Variants in ABR observed in about 807,000 individuals in gnomAD.
ABR encodes ABR activator of RhoGEF and GTPase.
ABR carries 35 observed loss-of-function variants against 107.2 expected under a neutral mutation model. The observed-to-expected ratio is 0.33, with a 90% confidence interval of 0.25 to 0.43. The LOEUF is 0.43. Among genes scored for constraint, ABR ranks in the 20% least tolerant of loss-of-function variants. The pLI is 1.00. For synonymous variants in ABR, 498 were observed against 462.0 expected (o/e 1.08, Z -1.00); for missense variants, 815 against 1,115.2 (o/e 0.73, Z 3.83).
At chr17:1,181,976 C>T (rs534924706), upstream of ABR, 2 of 152,348 alleles carry the variant, frequency 1.3e-5, no homozygotes, top group East Asian at 1.9e-4. Context: ...TCTACAAAGG[C>T]TTGAACAAGC....
Position 1,013,144 on chromosome 17 carries a change from C to G in ABR, c.1812G>C (p.Glu604Asp). 6.2e-7 allele frequency: 1 copy of G among 1,614,202 alleles called. No homozygotes were observed. Among genetic ancestry groups the G allele is most frequent in the Non-Finnish European group, 8.5e-7 (1 of 1,180,018 alleles). The change falls in exon 17 of 23, where the codon GAG (glutamate) becomes GAC (aspartate). Residue 604 changes from glutamate to aspartate, a missense_variant. Glu to Asp is a conservative substitution (Grantham distance 45). Around this residue, in one of 5 missense-constraint regions of ABR, gnomAD observed 92 missense variants for 82.3 expected, o/e 1.12. Coordinates refer to ENST00000302538, the MANE Select transcript of ABR (RefSeq NM_021962.5). ...TCACGTCCGTGTGCCAGTTCTTGGT[C>G]TCCACGGTTTGTGGGTCCAGCTGCA... The part of the protein sequence containing the change: ...GQIQLDPQTV[E>D]TKNWHTDVIE...
At chr17:1,049,558 G>A (rs73287542) in intron 16 of ABR, among the ~76,000 whole-genome samples, 8,170 of 152,080 alleles carry the variant, frequency 0.054, 738 homozygotes, top group African/African-American at 0.19. Flanking sequence ...AGTAAGGTCC[G>A]GCCACCCTAA....
upstream of ABR, chr17:1,180,022 G>A (rs1339447544): frequency 4.3e-6 from 1 of 232,180 alleles, no homozygotes; most frequent in Non-Finnish European, 8.0e-6. Flanking sequence ...CTTCGTGGTG[G>A]GGCGGGGCTT....
At chr17:1,012,633 TG>T (rs1187963299) in intron 18 of ABR, 54 bp downstream of exon 18, 50 of 1,356,572 alleles carry the variant, frequency 3.7e-5, no homozygotes, top group Admixed American at 8.0e-5. Flanking sequence ...GGGCCCGGGC[TG>T]GGGGGGACCC....
In ABR at chr17:1,068,343, T is replaced by A. The variant is rs560459790; in HGVS notation, c.1017-1101A>T. Among the ~76,000 whole-genome samples the A allele has an allele frequency of 1.2e-4, 19 of 152,324 alleles. No homozygotes were observed. The South Asian group carries it at 3.9e-3, about 32-fold the overall frequency. On this transcript the variant is annotated intron_variant, in intron 9 of 22. Transcript: ENST00000302538. ...AGGTGGGCGTGGGGCTTGCTCCCCC[T>A]GAGCTATACTTGGGGGCACAGCCAG...
At chr17:1,217,133 A>G (rs1276422438) in intron 1 of ABR, among the ~76,000 whole-genome samples, 2 of 152,134 alleles carry the variant, frequency 1.3e-5, no homozygotes, top group Non-Finnish European at 2.9e-5. Flanking sequence ...ATAAAACGGA[A>G]AGGCGCAATT....
chr17:1,175,952 G>A (rs1429613220), intron 1 of ABR, among the ~76,000 whole-genome samples: 2 of 152,190 alleles, frequency 1.3e-5, no homozygotes, highest in African/African-American at 2.4e-5. Flanking sequence ...TTAGCCGGGC[G>A]TGGTGGCGGG....
intron 16 of ABR, among the ~76,000 whole-genome samples, chr17:1,032,038 C>T (rs1489412243): frequency 1.3e-5 from 2 of 151,664 alleles, no homozygotes; most frequent in East Asian, 3.9e-4. Flanking sequence ...CTGGCAAGGG[C>T]GCTGCTCCTC....
At position 1,007,188 on chromosome 17, in the gene ABR, A is replaced by C; in HGVS notation, c.2467T>G (p.Trp823Gly). The C allele has an allele frequency of 6.2e-7, 1 of 1,613,794 alleles. No homozygotes were observed. Among genetic ancestry groups the C allele is most frequent in the Non-Finnish European group, 8.5e-7 (1 of 1,179,904 alleles). ...KAHLTSAADI[W>G]SHDVMAQVQV... is the part of the protein sequence containing the mutation. Reference sequence around the variant, plus strand: ...ACCTGCGCCATGACGTCATGGGACCAGATGTCCGCAGCCGAGGTGAGGTGT... The same window carrying C: ...ACCTGCGCCATGACGTCATGGGACCCGATGTCCGCAGCCGAGGTGAGGTGT... The change falls in exon 22 of 23, where the codon TGG becomes GGG. Residue 823 changes from tryptophan (W) to glycine (G), a missense_variant. Transcript: ENST00000302538.
chr17:1,139,863 G>A (rs2040223262), intron 1 of ABR, among the ~76,000 whole-genome samples: 1 of 152,198 alleles, frequency 6.6e-6, no homozygotes, highest in Admixed American at 6.5e-5. Context: ...ACCAGTCACA[G>A]AGCGTGAGGA....
chr17:1,226,435 C>T (rs1434001983), intron 1 of ABR, among the ~76,000 whole-genome samples: 4 of 151,816 alleles, frequency 2.6e-5, no homozygotes, highest in African/African-American at 7.3e-5. Context: ...CATGTATATA[C>T]GTGTGCAGGT....
chr17:1,195,613 G>C (rs2042544398), intron 1 of ABR, among the ~76,000 whole-genome samples: 1 of 151,120 alleles, frequency 6.6e-6, no homozygotes, highest in Non-Finnish European at 1.5e-5. Context: ...GACCATCCTG[G>C]CTAACACGGT....
chr17:1,177,553 A>G (rs1314088940), intron 1 of ABR, among the ~76,000 whole-genome samples: 1 of 152,092 alleles, frequency 6.6e-6, no homozygotes, highest in African/African-American at 2.4e-5. Flanking sequence ...GCCTCAGGCA[A>G]TTTTGCTTTT....
In ABR at chr17:1,091,865, G is replaced by C. The variant is rs568381733; in HGVS notation, c.346-15C>G. 24 of 1,609,078 alleles carry C rather than the reference G, an allele frequency of 1.5e-5. No individual in the cohort carries two copies. Among genetic ancestry groups the C allele is most frequent in the East Asian group, 2.2e-5 (1 of 44,858 alleles). On this transcript the variant is annotated splice_polypyrimidine_tract_variant and intron_variant, in intron 3 of 22. Coordinates refer to ENST00000302538, the MANE Select transcript of ABR (RefSeq NM_021962.5). ...GGTTTCATGGGCTGGGAGAAACAGAGGAAGAAAGAGCAGAGGTCGGGGGTA... is the reference window on the plus strand; with the variant it reads ...GGTTTCATGGGCTGGGAGAAACAGACGAAGAAAGAGCAGAGGTCGGGGGTA...
chr17:1,121,270 C>T (rs531293302), intron 2 of ABR, among the ~76,000 whole-genome samples: 13 of 152,374 alleles, frequency 8.5e-5, no homozygotes, highest in Admixed American at 8.5e-4. Context: ...CGCAGAGACC[C>T]GGCTTCACCC....
intron 1 of ABR, among the ~76,000 whole-genome samples, chr17:1,151,835 C>T (rs1291750000): frequency 1.3e-5 from 2 of 152,210 alleles, no homozygotes; most frequent in Admixed American, 6.5e-5. Flanking sequence ...CCGGCTAACA[C>T]GAGGAAACTC....
intron 10 of ABR, among the ~76,000 whole-genome samples, chr17:1,062,782 T>C (rs1387005337): frequency 6.8e-6 from 1 of 146,098 alleles, no homozygotes; most frequent in Non-Finnish European, 1.5e-5. Flanking sequence ...CATGTTCCTC[T>C]AGACGCTGTT....
rs1425087185 is a variant in ABR, at chr17:1,011,572, G to C, written c.2101+274C>G. On this transcript the variant is annotated intron_variant, in intron 19 of 22. Transcript: ENST00000302538. The surrounding 1 kb of genome is among the most constrained non-coding windows in gnomAD (Gnocchi z 4.8). ...ACTAGCAAGAAAGACACTGGAGTCA[G>C]ATCTGAGTTTTAAGTCCAGAACCAA... The C allele has an allele frequency of 3.3e-6, 1 of 304,378 alleles. No homozygotes were observed. Among genetic ancestry groups the C allele is most frequent in the Non-Finnish European group, 6.1e-6 (1 of 165,068 alleles). The allele number at this position is 304,378 out of a possible 1,614,324, so 18.9% of individuals were successfully genotyped here.
intron 1 of ABR, among the ~76,000 whole-genome samples, chr17:1,204,306 G>A (rs993127228): frequency 2.0e-5 from 3 of 152,190 alleles, no homozygotes; most frequent in Non-Finnish European, 2.9e-5. Context: ...TTATCCGGGC[G>A]TGGTGGTGCG....
Sources: allele counts gnomAD v4.1 joint callset (sites outside exome capture counted in the v4.1 genomes callset), GRCh38; gene constraint gnomAD v4.1.1; regional missense constraint gnomAD v4.1.1; non-coding constraint Gnocchi (gnomAD v3.1); transcripts MANE v1.5; gene names NCBI Gene and HGNC (gene_info 2026-07-23, HGNC 2026-07-21).